Variants in LINGO2 observed in about 807,000 individuals in gnomAD.
The protein encoded by LINGO2 is leucine-rich repeat and immunoglobulin-like domain-containing nogo receptor-interacting protein 2.
A neutral mutation model predicts 30.6 loss-of-function variants in LINGO2; 14 were observed. That is an observed-to-expected ratio of 0.46 (90% CI 0.30 to 0.72). The LOEUF is 0.72. Ranked by LOEUF, LINGO2 falls within the 30% of genes least tolerant of loss-of-function variation. The pLI, the probability that LINGO2 is intolerant of heterozygous loss-of-function variation, is 0.07. For synonymous variants in LINGO2, 317 were observed against 288.5 expected, an observed-to-expected ratio of 1.10 and a Z score of -1.00; for missense variants, 729 against 751.7, an observed-to-expected ratio of 0.97 and a Z score of 0.35.
chr9:28,292,550 C>T (rs1823768674), intron 4 of LINGO2, among the ~76,000 whole-genome samples: 1 of 151,892 alleles, frequency 6.6e-6, no homozygotes, highest in Non-Finnish European at 1.5e-5. Flanking sequence ...GCAACCTCCA[C>T]CTCCTGGGTT....
the LINGO2 span, among the ~76,000 whole-genome samples, chr9:29,077,366 G>A: frequency 3.3e-5 from 5 of 151,958 alleles, no homozygotes; most frequent in Non-Finnish European, 5.9e-5. Flanking sequence ...TGCATGCAAG[G>A]TACTACTTCT....
the LINGO2 span, among the ~76,000 whole-genome samples, chr9:29,096,659 A>G: frequency 1.4e-5 from 2 of 140,420 alleles, 1 homozygote; most frequent in Non-Finnish European, 3.1e-5. Flanking sequence ...ACTGTTCCAC[A>G]TAGATCCTGC....
At chr9:28,677,088 C>A in the LINGO2 span, among the ~76,000 whole-genome samples, 1 of 152,028 alleles carries the variant, frequency 6.6e-6, no homozygotes, top group African/African-American at 2.4e-5. Flanking sequence ...ATTTGCATGC[C>A]TAATTCTCAC....
chr9:29,137,045 C>T, the LINGO2 span, among the ~76,000 whole-genome samples: 3 of 152,050 alleles, frequency 2.0e-5, no homozygotes, highest in Admixed American at 1.3e-4. Context: ...AAGCCCAGCC[C>T]CCCAAAAAAT....
chr9:28,648,329 T>C (rs1225829203), intron 1 of LINGO2, among the ~76,000 whole-genome samples: 3 of 152,166 alleles, frequency 2.0e-5, no homozygotes, highest in Non-Finnish European at 4.4e-5. Flanking sequence ...ATTAAATTTA[T>C]ATTAACAAAA....
chr9:29,014,513 T>A, the LINGO2 span, among the ~76,000 whole-genome samples: 1 of 152,090 alleles, frequency 6.6e-6, no homozygotes, highest in Admixed American at 6.6e-5. Flanking sequence ...GAAGTGAAAG[T>A]AAGTGATTGA....
intron 4 of LINGO2, among the ~76,000 whole-genome samples, chr9:28,128,297 G>C (rs1827294190): frequency 6.6e-6 from 1 of 152,138 alleles, no homozygotes; most frequent in Non-Finnish European, 1.5e-5. Flanking sequence ...CATCATAACT[G>C]GAGCTTCCCC....
chr9:29,056,735 T>C, the LINGO2 span, among the ~76,000 whole-genome samples: 1 of 152,194 alleles, frequency 6.6e-6, no homozygotes, highest in Non-Finnish European at 1.5e-5. Flanking sequence ...TAGATTTAAG[T>C]CTTTGATCCA....
chr9:28,749,103 T>C, the LINGO2 span, among the ~76,000 whole-genome samples: 4 of 152,054 alleles, frequency 2.6e-5, no homozygotes, highest in Non-Finnish European at 5.9e-5. Flanking sequence ...CCTTCCATTA[T>C]ATAGTTTGTT....
At chr9:28,261,976 A>G (rs1349852774) in intron 4 of LINGO2, among the ~76,000 whole-genome samples, 2 of 151,952 alleles carry the variant, frequency 1.3e-5, no homozygotes, top group East Asian at 1.9e-4. Context: ...TGAAATATGA[A>G]CACTCTCAGA....
At chr9:29,160,928 G>T in the LINGO2 span, among the ~76,000 whole-genome samples, 4 of 152,234 alleles carry the variant, frequency 2.6e-5, no homozygotes, top group Non-Finnish European at 5.9e-5. Flanking sequence ...AGCCACTATT[G>T]TCTGCAGAAG....
the LINGO2 span, among the ~76,000 whole-genome samples, chr9:28,853,672 C>T: frequency 1.4e-3 from 214 of 152,032 alleles, 3 homozygotes; most frequent in African/African-American, 4.8e-3. Flanking sequence ...GAAGCAAACA[C>T]GTCCTTCACA....
intron 1 of LINGO2, among the ~76,000 whole-genome samples, chr9:28,487,949 G>A (rs1826237766): frequency 6.6e-6 from 1 of 152,044 alleles, no homozygotes; most frequent in Non-Finnish European, 1.5e-5. Context: ...AACAAAACAA[G>A]AGAAAACAAT....
chr9:28,748,805 C>T, the LINGO2 span, among the ~76,000 whole-genome samples: 40,874 of 151,468 alleles, frequency 0.27, 5,932 homozygotes, highest in Admixed American at 0.42. Context: ...GAAGTATAGA[C>T]TAAATTGGCA....
the LINGO2 span, among the ~76,000 whole-genome samples, chr9:29,153,386 C>T: frequency 6.6e-6 from 1 of 152,030 alleles, no homozygotes; most frequent in South Asian, 2.1e-4. Flanking sequence ...TTTTTTATTT[C>T]TAATGTTAAT....
the LINGO2 span, among the ~76,000 whole-genome samples, chr9:29,088,415 A>T: frequency 6.6e-6 from 1 of 152,152 alleles, no homozygotes; most frequent in Non-Finnish European, 1.5e-5. Context: ...AGTAAACCAT[A>T]AAGGCATGAC....
chr9:28,575,408 C>CA (rs1823915278), intron 1 of LINGO2, among the ~76,000 whole-genome samples: 1 of 123,038 alleles, frequency 8.1e-6, no homozygotes, highest in African/African-American at 2.9e-5. Flanking sequence ...AAAAAAAAAA[C>CA]AACAAAAAAA....
chr9:28,074,961 A>G (rs1261791356), intron 4 of LINGO2, among the ~76,000 whole-genome samples: 1 of 150,866 alleles, frequency 6.6e-6, no homozygotes, highest in East Asian at 1.9e-4. Flanking sequence ...TATACTTATA[A>G]AATTATATTT....
intron 4 of LINGO2, among the ~76,000 whole-genome samples, chr9:28,188,812 G>T (rs1305865652): frequency 6.6e-6 from 1 of 152,108 alleles, no homozygotes; most frequent in African/African-American, 2.4e-5. Flanking sequence ...CTTATAGGCT[G>T]CTGTGACAAC....
Sources: gnomAD v4.1 joint callset for allele counts (sites outside exome capture counted in the v4.1 genomes callset) on GRCh38, gnomAD v4.1.1 for gene constraint, MANE v1.5 for transcripts, NCBI Gene and HGNC (gene_info 2026-07-23, HGNC 2026-07-21) for gene names.